TMEM267: variants seen among roughly 807,000 people sequenced by gnomAD.
TMEM267 encodes the protein transmembrane protein 267.
TMEM267 carries 20 observed loss-of-function variants against 19.3 expected under a neutral mutation model. That is an observed-to-expected ratio of 1.04 (90% confidence interval 0.73 to 1.51). The LOEUF (loss-of-function observed/expected upper bound fraction) is 1.51, where lower values mean the gene tolerates loss of function less well. Among genes scored for constraint, TMEM267 ranks in the 40% most tolerant of loss-of-function variants. The pLI is 0.00. For missense variants in TMEM267, 242 were observed against 261.9 expected (o/e 0.92, Z 0.52); for synonymous variants, 88 against 90.3 (o/e 0.97, Z 0.15).
intron 2 of TMEM267, among the ~76,000 whole-genome samples, chr5:43,447,373 A>G (rs1237372542): frequency 6.6e-6 from 1 of 152,166 alleles, no homozygotes; most frequent in African/African-American, 2.4e-5. Context: ...TACAGACGTG[A>G]GCCATGACGC....
intron 2 of TMEM267, among the ~76,000 whole-genome samples, chr5:43,450,927 C>T (rs191683258): frequency 4.1e-4 from 62 of 152,160 alleles, no homozygotes; most frequent in East Asian, 7.7e-4. Context: ...CTCCACCTCC[C>T]GGGTTCAAGC....
intron 1 of TMEM267, among the ~76,000 whole-genome samples, chr5:43,467,906 G>A (rs1439611758): frequency 1.3e-5 from 2 of 152,060 alleles, no homozygotes; most frequent in Non-Finnish European, 2.9e-5. Context: ...CCCTCAGTTG[G>A]GGGGGGCCTT....
At chr5:43,460,885 C>T (rs1227083268) in intron 1 of TMEM267, among the ~76,000 whole-genome samples, 2 of 152,226 alleles carry the variant, frequency 1.3e-5, no homozygotes, top group South Asian at 2.1e-4. Context: ...ACTTGAAAGG[C>T]AGTGTAGGCC....
Position 43,469,495 on chromosome 5 carries a change from A to T in TMEM267, c.-75+14327T>A, listed in dbSNP as rs140493590. On this transcript the variant is annotated intron_variant, in intron 1 of 2. Coordinates refer to ENST00000397080, the MANE Select transcript of TMEM267 (RefSeq NM_022483.5). ...CAGTGTGATACATCATATCAACAAA[A>T]TGAAGGACACAAACCATATGATCAT... Among the ~76,000 whole-genome samples, 475 of 152,336 alleles carry T rather than the reference A, an allele frequency of 3.1e-3. 6 individuals carry two copies. Among genetic ancestry groups the T allele is most frequent in the African/African-American group, 0.011 (454 of 41,572 alleles).
intron 1 of TMEM267, among the ~76,000 whole-genome samples, chr5:43,473,681 C>G (rs139184408): frequency 2.6e-5 from 4 of 152,218 alleles, no homozygotes; most frequent in South Asian, 2.1e-4. Context: ...AATGGCCATA[C>G]TGCCCAAAGT....
chr5:43,476,502 C>A (rs970523714), intron 1 of TMEM267, among the ~76,000 whole-genome samples: 4 of 128,916 alleles, frequency 3.1e-5, no homozygotes, highest in Admixed American at 7.8e-5. Flanking sequence ...GATACAAAAG[C>A]CAGACCTTTT....
intron 1 of TMEM267, among the ~76,000 whole-genome samples, chr5:43,461,630 G>C (rs1468074481): frequency 6.6e-6 from 1 of 152,116 alleles, no homozygotes; most frequent in Non-Finnish European, 1.5e-5. Context: ...TGCCTTAAGG[G>C]GCATTAGCAG....
chr5:43,454,115 T>A, intron 1 of TMEM267, 72 bp from the exon 2 acceptor site: 2 of 1,057,818 alleles, frequency 1.9e-6, no homozygotes, highest in Non-Finnish European at 2.6e-6. Flanking sequence ...CAAAACAGTA[T>A]CAGCAATAAT....
intron 1 of TMEM267, among the ~76,000 whole-genome samples, chr5:43,482,032 C>T (rs1333642501): frequency 6.6e-6 from 1 of 152,106 alleles, no homozygotes; most frequent in Non-Finnish European, 1.5e-5. Context: ...TTAGCAGAGA[C>T]GGGGTTTCAC....
At chr5:43,459,819 G>A (rs71629172) in intron 1 of TMEM267, among the ~76,000 whole-genome samples, 2,100 of 152,256 alleles carry the variant, frequency 0.014, 57 homozygotes, top group East Asian at 0.13. Flanking sequence ...TGGCACCAGG[G>A]ACTGGTTTTG....
chr5:43,465,615 T>C (rs1277320209), intron 1 of TMEM267, among the ~76,000 whole-genome samples: 1 of 152,174 alleles, frequency 6.6e-6, no homozygotes, highest in South Asian at 2.1e-4. Flanking sequence ...CACCATGGAA[T>C]ACTATGCAGC....
At chr5:43,448,921 A>C (rs1169162107) in intron 2 of TMEM267, among the ~76,000 whole-genome samples, 1 of 152,130 alleles carries the variant, frequency 6.6e-6, no homozygotes, top group African/African-American at 2.4e-5. Flanking sequence ...AATCTCAAAC[A>C]ACCACATGGG....
intron 1 of TMEM267, chr5:43,479,963 CCTT>C (rs952087393): frequency 5.0e-6 from 2 of 398,084 alleles, no homozygotes; most frequent in Admixed American, 7.0e-5. Flanking sequence ...ATCATTGTCT[CCTT>C]TAGAAAACAA....
At chr5:43,447,708 A>G (rs1024559902) in intron 2 of TMEM267, among the ~76,000 whole-genome samples, 5 of 152,236 alleles carry the variant, frequency 3.3e-5, no homozygotes, top group Non-Finnish European at 4.4e-5. Context: ...AAGTATTAAC[A>G]TAAACACCAA....
At chr5:43,452,077 C>CAAAAAAAAAAA (rs375224453) in intron 2 of TMEM267, among the ~76,000 whole-genome samples, 2 of 86,520 alleles carry the variant, frequency 2.3e-5, no homozygotes, top group African/African-American at 4.4e-5. Flanking sequence ...GACCCTATCT[C>CAAAAAAAAAAA]AAAAAAAAAA....
intron 1 of TMEM267, among the ~76,000 whole-genome samples, chr5:43,471,900 A>G (rs1458659534): frequency 6.6e-6 from 1 of 152,216 alleles, no homozygotes. Context: ...TTCTTGACCA[A>G]TATCCCTCAA....
In TMEM267 at chr5:43,444,883, GA is replaced by G. The variant is rs958701550; in HGVS notation, c.*1338del. The G allele has an allele frequency of 1.3e-5, 2 of 151,536 alleles. No individual in the cohort carries two copies. The highest frequency in any genetic ancestry group is 2.9e-5 in the Non-Finnish European group (2 of 67,906). The allele number at this position is 151,536 out of a possible 1,614,324, so 9.4% of individuals were successfully genotyped here. On this transcript the variant is annotated 3_prime_UTR_variant, in exon 3 of 3. Coordinates refer to ENST00000397080, the MANE Select transcript of TMEM267 (RefSeq NM_022483.5). ...ATTGCAACCAATTTGTTAACAACAA[GA>G]AAAAAAACTCCCCTAAAGAGCTTGA...
chr5:43,479,174 T>C (rs887666464), intron 1 of TMEM267, among the ~76,000 whole-genome samples: 2 of 151,958 alleles, frequency 1.3e-5, no homozygotes, highest in Admixed American at 6.6e-5. Flanking sequence ...TCATATTTAC[T>C]GAAATAGAAA....
At chr5:43,478,144 A>G (rs1744539841) in intron 1 of TMEM267, among the ~76,000 whole-genome samples, 1 of 152,232 alleles carries the variant, frequency 6.6e-6, no homozygotes, top group Admixed American at 6.5e-5. Flanking sequence ...ATCGGTAATC[A>G]CTAGGTAGAA....
Sources: gnomAD v4.1 joint callset for allele counts (sites outside exome capture counted in the v4.1 genomes callset) on GRCh38, gnomAD v4.1.1 for gene constraint, MANE v1.5 for transcripts, NCBI Gene and HGNC (gene_info 2026-07-23, HGNC 2026-07-21) for gene names.